The following MEGF10 variants were observed in gnomAD, a reference collection of about 807,000 sequenced individuals.
MEGF10 encodes the protein multiple epidermal growth factor-like domains protein 10.
MEGF10 carries 86 observed loss-of-function variants against 147.5 expected under a neutral mutation model. That is an observed-to-expected ratio of 0.58 (90% CI 0.49 to 0.70). MEGF10 has a LOEUF of 0.70. Ranked by LOEUF, MEGF10 falls within the 30% of genes least tolerant of loss-of-function variation. The pLI is 0.00. For synonymous variants in MEGF10, 478 were observed against 525.5 expected, an observed-to-expected ratio of 0.91 and a Z score of 1.24; for missense variants, 1,329 against 1,487.3, an observed-to-expected ratio of 0.89 and a Z score of 1.75.
At chr5:127,312,086 C>T (rs1020473058) in intron 1 of MEGF10, among the ~76,000 whole-genome samples, 4 of 152,188 alleles carry the variant, frequency 2.6e-5, no homozygotes, top group Non-Finnish European at 4.4e-5. Flanking sequence ...GCCCCCACCT[C>T]GTCTCGCCTT....
chr5:127,239,115 G>A, the MEGF10 span, among the ~76,000 whole-genome samples: 1 of 152,010 alleles, frequency 6.6e-6, no homozygotes, highest in Non-Finnish European at 1.5e-5. Context: ...ACCCTTCACA[G>A]GCATCAATGT....
chr5:127,380,064 C>T (rs916475709), intron 5 of MEGF10, among the ~76,000 whole-genome samples: 7 of 76,076 alleles, frequency 9.2e-5, no homozygotes, highest in African/African-American at 3.1e-4. Context: ...GATTTGTTAA[C>T]TTGTTTTTTT....
intron 17 of MEGF10, among the ~76,000 whole-genome samples, chr5:127,438,980 G>T (rs550201172): frequency 3.9e-5 from 6 of 152,144 alleles, no homozygotes. Context: ...CGTGTTTTTC[G>T]AATGGTAGCA....
At chr5:127,302,147 G>A (rs1759799883) in intron 1 of MEGF10, among the ~76,000 whole-genome samples, 1 of 152,108 alleles carries the variant, frequency 6.6e-6, no homozygotes, top group South Asian at 2.1e-4. Context: ...TTCAAACAAT[G>A]TCTTGTGTAC....
In MEGF10 at chr5:127,325,995, C is replaced by T. The variant is rs111539973; in HGVS notation, c.-18-5296C>T. ...CACAGCTCACTGTAGCCTTGACCTT[C>T]GAGGCTCAAGCGATCCTCCTACCTC... On this transcript the variant is annotated intron_variant, in intron 1 of 24. Transcript: ENST00000503335. Among the ~76,000 whole-genome samples, 338 of 150,164 alleles carry T rather than the reference C, an allele frequency of 2.3e-3. 2 individuals are homozygous for T. Among genetic ancestry groups the T allele is most frequent in the Non-Finnish European group, 3.6e-3 (246 of 67,732 alleles).
chr5:127,409,025 T>A (rs981519177), intron 8 of MEGF10, among the ~76,000 whole-genome samples: 1 of 152,044 alleles, frequency 6.6e-6, no homozygotes, highest in Non-Finnish European at 1.5e-5. Context: ...TACAGTGAGC[T>A]ATGATGGCAC....
rs567681871 is a variant in MEGF10 at position 127,407,689 on chromosome 5, C to T, written c.918-2700C>T. 2.6e-5 allele frequency among the ~76,000 whole-genome samples: 4 copies of T among 152,220 alleles called. No homozygotes were observed. In the East Asian group the frequency reaches 5.8e-4, roughly 22 times the overall value. On this transcript the variant is annotated intron_variant, in intron 8 of 24. Transcript: ENST00000503335. Reference sequence around the variant, plus strand: ...AGAGCTTCTGTTCCATTTGGAACCGCAGAAGCAGCATTAAGGGCATAAAAT... The same window carrying T: ...AGAGCTTCTGTTCCATTTGGAACCGTAGAAGCAGCATTAAGGGCATAAAAT...
At chr5:127,300,982 A>G (rs530540156) in intron 1 of MEGF10, among the ~76,000 whole-genome samples, 12 of 152,320 alleles carry the variant, frequency 7.9e-5, no homozygotes, top group African/African-American at 2.9e-4. Context: ...CACTCATTTT[A>G]GTCTGTCAGG....
At chr5:127,270,463 A>G in the MEGF10 span, among the ~76,000 whole-genome samples, 1 of 152,206 alleles carries the variant, frequency 6.6e-6, no homozygotes, top group Admixed American at 6.5e-5. Flanking sequence ...CTTTAAACCA[A>G]CAAAGATCAA....
chr5:127,278,403 A>T, the MEGF10 span, among the ~76,000 whole-genome samples: 1 of 152,280 alleles, frequency 6.6e-6, no homozygotes, highest in Non-Finnish European at 1.5e-5. Context: ...GAGAGAATAG[A>T]AGGAAAATAT....
intron 24 of MEGF10, among the ~76,000 whole-genome samples, chr5:127,456,435 C>G (rs1766366127): frequency 6.6e-6 from 1 of 152,166 alleles, no homozygotes; most frequent in Non-Finnish European, 1.5e-5. Flanking sequence ...CTCTCTCTCT[C>G]TCTGTCTCTA....
intron 5 of MEGF10, among the ~76,000 whole-genome samples, chr5:127,390,633 G>A (rs1365456081): frequency 6.6e-6 from 1 of 152,076 alleles, no homozygotes; most frequent in Admixed American, 6.6e-5. Flanking sequence ...CATAAATATG[G>A]TTCCAGTTCA....
At chr5:127,239,109 T>G in the MEGF10 span, among the ~76,000 whole-genome samples, 1 of 152,000 alleles carries the variant, frequency 6.6e-6, no homozygotes, top group African/African-American at 2.4e-5. Context: ...GCCAGGACCC[T>G]TCACAGGCAT....
chr5:127,266,464 A>G, the MEGF10 span, among the ~76,000 whole-genome samples: 1 of 152,192 alleles, frequency 6.6e-6, no homozygotes, highest in East Asian at 1.9e-4. Flanking sequence ...GAAGAAAGTC[A>G]TTGGTAGCTT....
chr5:127,290,073 C>T (rs1759170928), upstream of MEGF10, among the ~76,000 whole-genome samples: 1 of 152,174 alleles, frequency 6.6e-6, no homozygotes, highest in Non-Finnish European at 1.5e-5. Flanking sequence ...AACATTCCAT[C>T]ACTGGGCCTC....
intron 1 of MEGF10, among the ~76,000 whole-genome samples, chr5:127,324,382 A>T (rs184062448): frequency 6.6e-6 from 1 of 152,290 alleles, no homozygotes; most frequent in African/African-American, 2.4e-5. Context: ...AAGAGATGTA[A>T]CTTGTTTTCT....
At chr5:127,427,345 G>A (rs1765236379) in intron 13 of MEGF10, among the ~76,000 whole-genome samples, 1 of 152,080 alleles carries the variant, frequency 6.6e-6, no homozygotes, top group Non-Finnish European at 1.5e-5. Flanking sequence ...GTTTATACCA[G>A]AATAAAAAAG....
intron 5 of MEGF10, among the ~76,000 whole-genome samples, chr5:127,392,744 A>G (rs973420460): frequency 2.0e-5 from 3 of 152,124 alleles, no homozygotes; most frequent in Admixed American, 6.5e-5. Flanking sequence ...ATGTGAGTCT[A>G]TTGTCTTGAG....
At chr5:127,315,496 C>T (rs1355905602) in intron 1 of MEGF10, among the ~76,000 whole-genome samples, 2 of 152,072 alleles carry the variant, frequency 1.3e-5, no homozygotes, top group Non-Finnish European at 2.9e-5. Flanking sequence ...ATGAATCTTG[C>T]CGGGCGTGGT....
Sources: gnomAD v4.1 joint callset for allele counts (sites outside exome capture counted in the v4.1 genomes callset) on GRCh38, gnomAD v4.1.1 for gene constraint, MANE v1.5 for transcripts, NCBI Gene and HGNC (gene_info 2026-07-23, HGNC 2026-07-21) for gene names.